The following ELAVL2 variants were observed in gnomAD, a reference collection of about 807,000 sequenced individuals.
ELAVL2 encodes ELAV-like protein 2.
In ELAVL2, 4 loss-of-function variants were observed where a neutral mutation model predicts 34.6. The observed-to-expected ratio is 0.12, with a 90% CI of 0.06 to 0.26. The LOEUF is 0.26. ELAVL2 is among the 10% of genes least tolerant of loss of function. ELAVL2 has a pLI of 1.00. For missense variants in ELAVL2, 432 were observed against 442.8 expected, an observed-to-expected ratio of 0.98 and a Z score of 0.22; for synonymous variants, 193 against 154.8, an observed-to-expected ratio of 1.25 and a Z score of -1.83.
intron 3 of ELAVL2, among the ~76,000 whole-genome samples, chr9:23,727,222 C>T (rs1438675226): frequency 6.6e-6 from 1 of 151,986 alleles, no homozygotes; most frequent in Non-Finnish European, 1.5e-5. Flanking sequence ...ATCTCCTTAA[C>T]CAGGAAAAAA....
chr9:23,767,506 C>T (rs1465477000), intron 1 of ELAVL2, among the ~76,000 whole-genome samples: 3 of 152,192 alleles, frequency 2.0e-5, no homozygotes, highest in African/African-American at 7.2e-5. Context: ...ATAGGCCAGA[C>T]TCGGCGGCTC....
In ELAVL2 at chr9:23,826,230, G is replaced by T. The variant is rs554975458; in HGVS notation, c.-440C>A. 8 of 152,396 alleles carry T rather than the reference G, an allele frequency of 5.2e-5. No individual in the cohort carries two copies. The highest frequency in any genetic ancestry group is 1.9e-4 in the African/African-American group (8 of 41,578). 9.4% of individuals were successfully genotyped at this position (152,396 alleles called of 1,614,324 possible). A position where few individuals can be genotyped will look rare whatever the true frequency, so the allele number is the denominator to read the frequency against. ...TCTAACTAAGAACAGAAATAGGGGG[G>T]AGGACGTCTTAAAAGGGAGGTGGAC... On this transcript the variant is annotated 5_prime_UTR_variant, in exon 1 of 7. Coordinates refer to ENST00000397312, the MANE Select transcript of ELAVL2 (RefSeq NM_004432.5).
chr9:23,731,163 C>G (rs773891384), intron 2 of ELAVL2, 38 bp from the exon 3 acceptor site: 15 of 1,573,642 alleles, frequency 9.5e-6, no homozygotes, highest in Admixed American at 3.6e-5. Flanking sequence ...TATATTAGTT[C>G]TATACTGTTG....
chr9:23,732,673 T>C lies in ELAVL2; in HGVS notation c.230-1548A>G, dbSNP rs2046871752. The stretch of plus-strand genomic sequence containing the variant: ...ATTAAATTGGCTGAATGTAACAAAA[T>C]CTGCTCAAGGAACCAGCTTATAGTG... On this transcript the variant is annotated intron_variant, in intron 2 of 6. Coordinates refer to ENST00000397312, the MANE Select transcript of ELAVL2 (RefSeq NM_004432.5). Among the ~76,000 whole-genome samples the C allele has an allele frequency of 1.3e-5, 2 of 152,182 alleles. 1 individual carries two copies. Among genetic ancestry groups the C allele is most frequent in the South Asian group, 4.1e-4 (2 of 4,826 alleles).
chr9:23,705,712 A>G lies in ELAVL2; in HGVS notation c.334-641T>C, dbSNP rs1587418084. On this transcript the variant is annotated intron_variant, in intron 3 of 6. Transcript: ENST00000397312. ...AGTTCAAAATAGGGTTTGTGCCCTG[A>G]TGAGAATCTAATGCTGCAGCTAATC... is the stretch of plus-strand genomic sequence containing the variant. Among the ~76,000 whole-genome samples, 5 of 152,336 alleles carry G rather than the reference A, an allele frequency of 3.3e-5. 1 individual carries two copies. The highest frequency in any genetic ancestry group is 3.3e-4 in the Admixed American group (5 of 15,296).
At chr9:23,833,091 T>C in the ELAVL2 span, among the ~76,000 whole-genome samples, 4 of 151,974 alleles carry the variant, frequency 2.6e-5, no homozygotes, top group East Asian at 1.9e-4. Flanking sequence ...TTTAAGTGTA[T>C]GGATGAATTA....
rs577147545 is a variant in ELAVL2, at chr9:23,753,281, G to C, written c.229+8725C>G. On this transcript the variant is annotated intron_variant, in intron 2 of 6. Coordinates refer to ENST00000397312, the MANE Select transcript of ELAVL2 (RefSeq NM_004432.5). ...ACTCAGCTGAAAGTCAATTAACTTA[G>C]AACAAGCTCAAAAGAAGTTGGCAAA... Among the ~76,000 whole-genome samples the C allele has an allele frequency of 5.9e-5, 9 of 152,242 alleles. No homozygotes were observed. The East Asian group carries it at 9.7e-4, about 16-fold the overall frequency.
At chr9:23,728,408 T>C (rs1172025605) in intron 3 of ELAVL2, among the ~76,000 whole-genome samples, 1 of 152,070 alleles carries the variant, frequency 6.6e-6, no homozygotes, top group Non-Finnish European at 1.5e-5. Context: ...GCATGGACGC[T>C]GGGAGTAAGA....
the ELAVL2 span, among the ~76,000 whole-genome samples, chr9:23,848,981 A>G: frequency 6.6e-6 from 1 of 152,208 alleles, no homozygotes; most frequent in Non-Finnish European, 1.5e-5. Flanking sequence ...AAGACTACTG[A>G]GCACTATTAA....
chr9:23,841,405 C>T, the ELAVL2 span, among the ~76,000 whole-genome samples: 1 of 151,964 alleles, frequency 6.6e-6, no homozygotes, highest in Non-Finnish European at 1.5e-5. Context: ...TCCAATGCTG[C>T]TACACCACCA....
intron 3 of ELAVL2, among the ~76,000 whole-genome samples, chr9:23,715,541 C>T (rs781592609): frequency 2.6e-5 from 4 of 152,206 alleles, no homozygotes; most frequent in East Asian, 1.9e-4. Flanking sequence ...CTGAAAACAA[C>T]GCAGGCTAAA....
At chr9:23,732,698 G>A (rs1003254264) in intron 2 of ELAVL2, among the ~76,000 whole-genome samples, 7 of 152,256 alleles carry the variant, frequency 4.6e-5, no homozygotes, top group African/African-American at 1.7e-4. Flanking sequence ...AGCTTATAGT[G>A]GAAAGACAGA....
At chr9:23,696,050 A>G (rs1169670620) in intron 5 of ELAVL2, among the ~76,000 whole-genome samples, 1 of 152,150 alleles carries the variant, frequency 6.6e-6, no homozygotes, top group Non-Finnish European at 1.5e-5. Flanking sequence ...TGATACCATG[A>G]TCTTCACTGA....
intron 2 of ELAVL2, among the ~76,000 whole-genome samples, chr9:23,751,328 T>G (rs531636379): frequency 6.6e-6 from 1 of 152,092 alleles, no homozygotes; most frequent in Non-Finnish European, 1.5e-5. Context: ...AGATGTAAAA[T>G]TGCATCTGCT....
intron 1 of ELAVL2, among the ~76,000 whole-genome samples, chr9:23,795,770 G>C (rs1442370138): frequency 6.6e-6 from 1 of 152,132 alleles, no homozygotes; most frequent in Non-Finnish European, 1.5e-5. Context: ...TCACAAAGCT[G>C]AGACAAAAAC....
intron 4 of ELAVL2, among the ~76,000 whole-genome samples, chr9:23,703,515 G>A (rs905827086): frequency 6.6e-6 from 1 of 152,148 alleles, no homozygotes; most frequent in African/African-American, 2.4e-5. Flanking sequence ...TCCCAGGCAT[G>A]CATGTAGTGC....
chr9:23,837,749 G>T, the ELAVL2 span, among the ~76,000 whole-genome samples: 1 of 152,078 alleles, frequency 6.6e-6, no homozygotes, highest in Non-Finnish European at 1.5e-5. Flanking sequence ...GAGAACAAAA[G>T]CCTCTAGAAA....
At chr9:23,725,798 C>G (rs1275602076) in intron 3 of ELAVL2, among the ~76,000 whole-genome samples, 1 of 152,086 alleles carries the variant, frequency 6.6e-6, no homozygotes, top group East Asian at 1.9e-4. Flanking sequence ...TCATTTTATG[C>G]AATAAACATG....
At chr9:23,838,481 A>C in the ELAVL2 span, among the ~76,000 whole-genome samples, 1 of 152,142 alleles carries the variant, frequency 6.6e-6, no homozygotes, top group Non-Finnish European at 1.5e-5. Context: ...ACTTCTAAAA[A>C]ATTGAGATTT....
Sources: gnomAD v4.1 joint callset for allele counts (sites outside exome capture counted in the v4.1 genomes callset) on GRCh38, gnomAD v4.1.1 for gene constraint, MANE v1.5 for transcripts, NCBI Gene and HGNC (gene_info 2026-07-23, HGNC 2026-07-21) for gene names.